The following TCF7L2 variants were observed in gnomAD, a reference collection of about 807,000 sequenced individuals.
The protein encoded by TCF7L2 is transcription factor 7-like 2.
A neutral mutation model predicts 77.9 loss-of-function variants in TCF7L2; 23 were observed. The ratio of observed to expected loss-of-function variants is 0.30; its 90% CI spans 0.21 to 0.42. The LOEUF (loss-of-function observed/expected upper bound fraction) is 0.42, where lower values mean the gene tolerates loss of function less well. Ranked by LOEUF, TCF7L2 falls within the 10% of genes least tolerant of loss-of-function variation. The pLI, the probability that TCF7L2 is intolerant of heterozygous loss-of-function variation, is 1.00. For synonymous variants in TCF7L2, 413 were observed against 340.2 expected (o/e 1.21, Z -2.36); for missense variants, 654 against 793.1 (o/e 0.82, Z 2.11).
At chr10:113,104,085 T>G (rs940141951) in intron 5 of TCF7L2, among the ~76,000 whole-genome samples, 1 of 152,164 alleles carries the variant, frequency 6.6e-6, no homozygotes. Context: ...TTCAGTGCCT[T>G]TGGTCCAGTA....
intron 5 of TCF7L2, among the ~76,000 whole-genome samples, chr10:113,074,986 G>A (rs2058528790): frequency 6.6e-6 from 1 of 152,154 alleles, no homozygotes; most frequent in Admixed American, 6.5e-5. Context: ...CTAAAGAATA[G>A]ACTCAGATAT....
At chr10:113,127,229 C>T (rs2065794693) in intron 5 of TCF7L2, among the ~76,000 whole-genome samples, 1 of 131,940 alleles carries the variant, frequency 7.6e-6, no homozygotes, top group Non-Finnish European at 1.6e-5. Context: ...GACGTGAATA[C>T]GGAGGGGTTT....
At chr10:113,073,713 TCACAAGA>T (rs1309146352) in intron 5 of TCF7L2, among the ~76,000 whole-genome samples, 5 of 147,698 alleles carry the variant, frequency 3.4e-5, no homozygotes, top group African/African-American at 9.9e-5. Flanking sequence ...AAAACAAAGG[TCACAAGA>T]CATTCTTGGC....
chr10:112,992,792 C>T (rs1331585901), intron 4 of TCF7L2, among the ~76,000 whole-genome samples: 2 of 151,036 alleles, frequency 1.3e-5, no homozygotes, highest in African/African-American at 2.4e-5. Context: ...GAGACGGAGT[C>T]TCACTCTGTC....
chr10:113,132,544 G>A (rs917868635), intron 5 of TCF7L2, among the ~76,000 whole-genome samples: 10 of 152,106 alleles, frequency 6.6e-5, no homozygotes, highest in Non-Finnish European at 1.5e-4. Flanking sequence ...ATTTGGTGGC[G>A]AGGGGGTGGT....
rs2030719368 is a variant in TCF7L2, at chr10:112,950,702, CT to C, written c.-51del. 1 of 1,513,360 alleles carries C rather than the reference CT, an allele frequency of 6.6e-7. No individual in the cohort carries two copies. Among genetic ancestry groups the C allele is most frequent in the Non-Finnish European group, 8.8e-7 (1 of 1,134,996 alleles). The allele number at this position is 1,513,360 out of a possible 1,614,324, so 93.7% of individuals were successfully genotyped here. ...ACTTTTTGGGGGTGATTTTTTTTGGCTTTTCTTCCTCCTTCATTTTTCTTCC... is the reference window on the plus strand; with the variant it reads ...ACTTTTTGGGGGTGATTTTTTTTGGCTTTCTTCCTCCTTCATTTTTCTTCC... On this transcript the variant is annotated 5_prime_UTR_variant, in exon 1 of 14. Coordinates refer to ENST00000627217, the MANE Select transcript of TCF7L2 (RefSeq NM_001146274.2).
intron 4 of TCF7L2, among the ~76,000 whole-genome samples, chr10:113,032,312 G>A (rs2050374314): frequency 6.6e-6 from 1 of 152,268 alleles, no homozygotes; most frequent in South Asian, 2.1e-4. Context: ...CAGGGACAGA[G>A]CTGTTAAAGG....
chr10:113,147,642 G>A (rs2069763348), intron 8 of TCF7L2, among the ~76,000 whole-genome samples: 1 of 152,124 alleles, frequency 6.6e-6, no homozygotes, highest in African/African-American at 2.4e-5. Context: ...CAGGGACCAC[G>A]GCTACATGTC....
rs1055272046 is a variant in TCF7L2, at chr10:112,975,518, A to G, written c.450+10894A>G. Reference sequence around the variant, plus strand: ...TTATTTGAGACAAGAGTCTCACTCTATTGCTTAGGCTGGAGTGCAGTGTTG... The same window carrying G: ...TTATTTGAGACAAGAGTCTCACTCTGTTGCTTAGGCTGGAGTGCAGTGTTG... On this transcript the variant is annotated intron_variant, in intron 4 of 13. Coordinates refer to ENST00000627217, the MANE Select transcript of TCF7L2 (RefSeq NM_001146274.2). 4.6e-5 allele frequency among the ~76,000 whole-genome samples: 7 copies of G among 152,034 alleles called. No individual in the cohort carries two copies. In the East Asian group the frequency reaches 5.8e-4, roughly 13 times the overall value.
At chr10:112,987,667 C>T (rs1007111064) in intron 4 of TCF7L2, 1 of 151,890 alleles carries the variant, frequency 6.6e-6, no homozygotes, top group African/African-American at 2.4e-5. Flanking sequence ...TTGTGATGAA[C>T]CTCACAGGCA....
intron 4 of TCF7L2, among the ~76,000 whole-genome samples, chr10:112,975,743 A>G (rs1231508770): frequency 1.3e-5 from 2 of 152,136 alleles, no homozygotes; most frequent in East Asian, 1.9e-4. Flanking sequence ...CGGCCTCCCA[A>G]AGTGCTGGGA....
chr10:113,038,292 C>G (rs1038942950), intron 4 of TCF7L2, among the ~76,000 whole-genome samples: 1 of 152,132 alleles, frequency 6.6e-6, no homozygotes, highest in Non-Finnish European at 1.5e-5. Context: ...GGAGTCGATG[C>G]AGGGTCTTGT....
intron 5 of TCF7L2, among the ~76,000 whole-genome samples, chr10:113,050,821 G>C (rs1212873271): frequency 6.6e-6 from 1 of 152,074 alleles, no homozygotes; most frequent in African/African-American, 2.4e-5. Context: ...AGTCTTCCTT[G>C]AGCCCCTTCC....
At chr10:112,960,104 G>A (rs1267996135) in intron 3 of TCF7L2, among the ~76,000 whole-genome samples, 1 of 152,130 alleles carries the variant, frequency 6.6e-6, no homozygotes, top group African/African-American at 2.4e-5. Context: ...TGTGCATCAT[G>A]TTAGAAGTTA....
intron 12 of TCF7L2, among the ~76,000 whole-genome samples, chr10:113,159,132 T>A (rs922417188): frequency 2.0e-5 from 3 of 151,576 alleles, no homozygotes; most frequent in Non-Finnish European, 4.4e-5. Context: ...GCAGTATGAT[T>A]ATTTTTTCCT....
At chr10:113,038,682 A>G (rs2051837617) in intron 4 of TCF7L2, among the ~76,000 whole-genome samples, 1 of 151,870 alleles carries the variant, frequency 6.6e-6, no homozygotes, top group Non-Finnish European at 1.5e-5. Flanking sequence ...TCCCCAGTCT[A>G]TTGTCCCAGA....
intron 4 of TCF7L2, among the ~76,000 whole-genome samples, chr10:112,996,345 C>T (rs781704257): frequency 3.9e-5 from 6 of 151,934 alleles, no homozygotes; most frequent in Admixed American, 6.6e-5. Context: ...CGGTGATGCC[C>T]GAGGAGAGCC....
chr10:113,117,424 TCTC>T, intron 5 of TCF7L2, among the ~76,000 whole-genome samples: 3 of 33,460 alleles, frequency 9.0e-5, no homozygotes, highest in African/African-American at 4.6e-4. Context: ...TCTCTCTCTC[TCTC>T]TCTCTCCCTC....
chr10:113,050,542 C>T (rs2054241190), intron 5 of TCF7L2, among the ~76,000 whole-genome samples: 1 of 152,088 alleles, frequency 6.6e-6, no homozygotes, highest in Admixed American at 6.5e-5. Context: ...AATAAAGTCC[C>T]AAAACAGTGT....
Sources: gnomAD v4.1 joint callset for allele counts (sites outside exome capture counted in the v4.1 genomes callset) on GRCh38, gnomAD v4.1.1 for gene constraint, MANE v1.5 for transcripts, NCBI Gene and HGNC (gene_info 2026-07-23, HGNC 2026-07-21) for gene names.